The following TLL1 variants were observed in gnomAD, a reference collection of about 807,000 sequenced individuals.
The protein encoded by TLL1 is tolloid-like protein 1.
A neutral mutation model predicts 128.2 loss-of-function variants in TLL1; 49 were observed. The ratio of observed to expected loss-of-function variants is 0.38; its 90% CI spans 0.30 to 0.48. The LOEUF (loss-of-function observed/expected upper bound fraction) is 0.48, where lower values mean the gene tolerates loss of function less well. Among genes scored for constraint, TLL1 ranks in the 20% least tolerant of loss-of-function variants. The pLI, the probability that TLL1 is intolerant of heterozygous loss-of-function variation, is 0.96. For synonymous variants in TLL1, 454 were observed against 418.8 expected, an observed-to-expected ratio of 1.08 and a Z score of -1.03; for missense variants, 1,123 against 1,242.0, an observed-to-expected ratio of 0.90 and a Z score of 1.44.
intron 5 of TLL1, among the ~76,000 whole-genome samples, chr4:165,996,547 C>A (rs1249350142): frequency 6.6e-6 from 1 of 151,920 alleles, no homozygotes; most frequent in South Asian, 2.1e-4. Flanking sequence ...TGCAGTGAGC[C>A]GAGATTACGC....
Position 166,045,894 on chromosome 4 carries a change from C to T in TLL1, c.1524+2475C>T, listed in dbSNP as rs145069729. On this transcript the variant is annotated intron_variant, in intron 12 of 20. Coordinates refer to ENST00000061240, the MANE Select transcript of TLL1 (RefSeq NM_012464.5). ...TTCTTAAAAAGTTCTTGGCTGATAACACTACTTAAAATACTTTCTTACCTA... is the reference window on the plus strand; with the variant it reads ...TTCTTAAAAAGTTCTTGGCTGATAATACTACTTAAAATACTTTCTTACCTA... Among the ~76,000 whole-genome samples the T allele has an allele frequency of 3.6e-4, 55 of 152,272 alleles. No individual in the cohort carries two copies. In the East Asian group the frequency reaches 0.01, roughly 28 times the overall value.
chr4:166,024,807 T>G (rs1230553740), intron 8 of TLL1, among the ~76,000 whole-genome samples: 3 of 152,154 alleles, frequency 2.0e-5, no homozygotes, highest in Non-Finnish European at 2.9e-5. Context: ...TATTTTTTCT[T>G]ATTTTGAAAA....
intron 1 of TLL1, among the ~76,000 whole-genome samples, chr4:165,887,547 A>G (rs1344944352): frequency 2.0e-5 from 3 of 152,232 alleles, no homozygotes; most frequent in Non-Finnish European, 4.4e-5. Context: ...TGTGTTTTGT[A>G]AAGCAATTGA....
chr4:165,952,458 G>A (rs1031457649), intron 1 of TLL1, among the ~76,000 whole-genome samples: 9 of 152,074 alleles, frequency 5.9e-5, no homozygotes, highest in African/African-American at 1.9e-4. Context: ...GAATAGTTAT[G>A]GGATGAAGTA....
In TLL1 at chr4:165,948,770, A is replaced by G. The variant is rs576986782; in HGVS notation, c.170-40611A>G. On this transcript the variant is annotated intron_variant, in intron 1 of 20. Coordinates refer to ENST00000061240, the MANE Select transcript of TLL1 (RefSeq NM_012464.5). ...CTGCCACATTGGTGATTAAATTTCA[A>G]TAAGGGTTTTGGAGGGGAAAAACAT... Among the ~76,000 whole-genome samples the G allele has an allele frequency of 4.6e-5, 7 of 152,308 alleles. No homozygotes were observed. In the East Asian group the frequency reaches 1.4e-3, roughly 29 times the overall value.
chr4:165,893,262 A>G (rs1561010661), intron 1 of TLL1, among the ~76,000 whole-genome samples: 1 of 152,150 alleles, frequency 6.6e-6, no homozygotes, highest in Non-Finnish European at 1.5e-5. Context: ...TTGTGACTGA[A>G]ACAACTAAGA....
Position 166,047,799 on chromosome 4 carries a change from G to T in TLL1, c.1524+4380G>T, listed in dbSNP as rs117545087. Among the ~76,000 whole-genome samples the T allele has an allele frequency of 1.4e-3, 208 of 152,266 alleles. 3 individuals are homozygous for T. In the East Asian group the frequency reaches 0.037, roughly 27 times the overall value. On this transcript the variant is annotated intron_variant, in intron 12 of 20. Coordinates refer to ENST00000061240, the MANE Select transcript of TLL1 (RefSeq NM_012464.5). ...CCTCTGTAATTATACCATTTGGGAA[G>T]TGATGTGGTCTGGATGTTTGTGTCT...
At chr4:165,990,579 C>T (rs1736591256) in intron 2 of TLL1, among the ~76,000 whole-genome samples, 1 of 151,722 alleles carries the variant, frequency 6.6e-6, no homozygotes, top group Non-Finnish European at 1.5e-5. Context: ...TTATGATTTT[C>T]ACTGAATGTG....
At chr4:165,968,949 G>A (rs1735516317) in intron 1 of TLL1, among the ~76,000 whole-genome samples, 1 of 152,108 alleles carries the variant, frequency 6.6e-6, no homozygotes, top group South Asian at 2.1e-4. Context: ...AAATGTGTAT[G>A]TGTTAAGCCT....
chr4:165,932,960 C>T (rs1029102503), intron 1 of TLL1, among the ~76,000 whole-genome samples: 4 of 152,072 alleles, frequency 2.6e-5, no homozygotes, highest in Admixed American at 6.6e-5. Context: ...CTTATGTTAC[C>T]GGGGTACATT....
At chr4:165,983,792 A>G (rs372291395) in intron 1 of TLL1, among the ~76,000 whole-genome samples, 26 of 150,354 alleles carry the variant, frequency 1.7e-4, no homozygotes, top group Middle Eastern at 3.5e-3. Flanking sequence ...TTTCTTATAT[A>G]GTACTCCTAC....
chr4:166,099,646 T>C (rs562312832), intron 20 of TLL1, 119 bp downstream of exon 20: 2 of 1,090,340 alleles, frequency 1.8e-6, no homozygotes, highest in Admixed American at 2.1e-5. Context: ...AAAAAAAGGC[T>C]ACATTGTATT....
chr4:165,957,240 G>A (rs1007401335), intron 1 of TLL1, among the ~76,000 whole-genome samples: 1 of 152,024 alleles, frequency 6.6e-6, no homozygotes, highest in African/African-American at 2.4e-5. Flanking sequence ...ACCAACAATA[G>A]TCAGTAAGGA....
At chr4:165,916,676 C>G (rs1051039128) in intron 1 of TLL1, among the ~76,000 whole-genome samples, 7 of 152,004 alleles carry the variant, frequency 4.6e-5, no homozygotes, top group Non-Finnish European at 1.0e-4. Context: ...AAAAACTCAC[C>G]AATATAGTTT....
In TLL1 at chr4:166,052,965, G is replaced by GTGTATATATATATATATATATATA; in HGVS notation, c.1525-2110_1525-2109insGTATATATATATATATATATATAT. Among the ~76,000 whole-genome samples, 671 of 99,648 alleles carry GTGTATATATATATATATATATATA rather than the reference G, an allele frequency of 6.7e-3. 90 individuals carry two copies. The highest frequency in any genetic ancestry group is 0.021 in the East Asian group (67 of 3,190). 65.4% of individuals were successfully genotyped at this position (99,648 alleles called of 152,430 possible). ...TAAAGACTGAGATAAGAGGTTATGTGTATATATATATATATATTTGGCCAA... is the reference window on the plus strand; with the variant it reads ...TAAAGACTGAGATAAGAGGTTATGTGTGTATATATATATATATATATATATATATATATATATATATTTGGCCAA... On this transcript the variant is annotated intron_variant, in intron 12 of 20. Coordinates refer to ENST00000061240, the MANE Select transcript of TLL1 (RefSeq NM_012464.5).
chr4:165,991,077 T>G (rs759709264), intron 2 of TLL1, among the ~76,000 whole-genome samples: 1 of 152,000 alleles, frequency 6.6e-6, no homozygotes, highest in Admixed American at 6.6e-5. Context: ...TTATTAAAAT[T>G]TTCATTAGCT....
At chr4:166,096,923 T>C (rs1183906067) in intron 19 of TLL1, among the ~76,000 whole-genome samples, 1 of 152,160 alleles carries the variant, frequency 6.6e-6, no homozygotes, top group Non-Finnish European at 1.5e-5. Flanking sequence ...TCCTGGTTTT[T>C]CATTTCATAC....
At chr4:166,093,201 G>A (rs1327981903) in intron 19 of TLL1, among the ~76,000 whole-genome samples, 1 of 152,094 alleles carries the variant, frequency 6.6e-6, no homozygotes, top group African/African-American at 2.4e-5. Context: ...AGCACACCAA[G>A]GACCTGCACT....
chr4:166,015,521 A>G (rs1737896151), intron 8 of TLL1, among the ~76,000 whole-genome samples: 1 of 152,052 alleles, frequency 6.6e-6, no homozygotes, highest in African/African-American at 2.4e-5. Context: ...TCTTATATTA[A>G]TTAAATTTTT....
Sources: allele counts gnomAD v4.1 joint callset (sites outside exome capture counted in the v4.1 genomes callset), GRCh38; gene constraint gnomAD v4.1.1; transcripts MANE v1.5; gene names NCBI Gene and HGNC (gene_info 2026-07-23, HGNC 2026-07-21).